The following TTC3 variants were observed in gnomAD, a reference collection of about 807,000 sequenced individuals.
TTC3 encodes tetratricopeptide repeat domain 3.
Under a neutral mutation model 249.6 loss-of-function variants are expected in TTC3, and 180 were observed. That is an observed-to-expected ratio of 0.72 (90% CI 0.64 to 0.82). TTC3 has a LOEUF of 0.82. Among genes scored for constraint, TTC3 ranks in the 40% least tolerant of loss-of-function variants. The probability of loss-of-function intolerance (pLI) is 0.00; values close to 1 mark genes in which losing one functional copy is unlikely to be tolerated. For missense variants in TTC3, 2,061 were observed against 2,398.4 expected (o/e 0.86, Z 2.94); for synonymous variants, 717 against 805.0 (o/e 0.89, Z 1.85).
chr21:37,109,812 A>G (rs1488125591), intron 11 of TTC3, among the ~76,000 whole-genome samples: 3 of 152,342 alleles, frequency 2.0e-5, no homozygotes, highest in Non-Finnish European at 2.9e-5. Context: ...GGCACCCCCC[A>G]GTAGGGGCGG....
At chr21:37,141,741 C>A (rs996470273) in intron 20 of TTC3, among the ~76,000 whole-genome samples, 1 of 152,116 alleles carries the variant, frequency 6.6e-6, no homozygotes, top group African/African-American at 2.4e-5. Context: ...TGTACTCCAG[C>A]CTGGGCGACA....
intron 32 of TTC3, 23 bp from the exon 33 acceptor site, chr21:37,165,526 AT>A: frequency 6.4e-7 from 1 of 1,550,508 alleles, no homozygotes; most frequent in Admixed American, 2.0e-5. Context: ...ATAGTAACTC[AT>A]GTAAATGTAA....
intron 11 of TTC3, among the ~76,000 whole-genome samples, chr21:37,116,771 C>A (rs1186348362): frequency 6.6e-6 from 1 of 152,056 alleles, no homozygotes; most frequent in African/African-American, 2.4e-5. Flanking sequence ...CACACCACTG[C>A]ATTCCAGCCT....
chr21:37,102,807 G>A (rs1156582854), intron 10 of TTC3, among the ~76,000 whole-genome samples: 1 of 152,176 alleles, frequency 6.6e-6, no homozygotes, highest in South Asian at 2.1e-4. Context: ...GACCATCCTG[G>A]TCAACATGGT....
chr21:37,115,955 T>C (rs2076107458), intron 11 of TTC3, among the ~76,000 whole-genome samples: 1 of 152,252 alleles, frequency 6.6e-6, no homozygotes. Flanking sequence ...ATTTCTTATC[T>C]TCTTTCCTTG....
chr21:37,175,124 TATG>T (rs1254815628), intron 35 of TTC3, among the ~76,000 whole-genome samples: 2 of 143,496 alleles, frequency 1.4e-5, no homozygotes, highest in Non-Finnish European at 3.0e-5. Flanking sequence ...ATTAGCCAGG[TATG>T]GTGGTGGGTG....
chr21:37,116,866 A>G (rs1448889364), intron 11 of TTC3, among the ~76,000 whole-genome samples: 1 of 152,128 alleles, frequency 6.6e-6, no homozygotes, highest in African/African-American at 2.4e-5. Context: ...AATAAGATAT[A>G]GAAAGGCACA....
chr21:37,135,047 G>A (rs2147934562), intron 17 of TTC3, among the ~76,000 whole-genome samples: 1 of 152,256 alleles, frequency 6.6e-6, no homozygotes, highest in Middle Eastern at 3.4e-3. Flanking sequence ...TTTAAATGAT[G>A]GCTGTTGTTT....
intron 44 of TTC3, among the ~76,000 whole-genome samples, chr21:37,199,809 G>T (rs969052308): frequency 1.3e-5 from 2 of 152,128 alleles, no homozygotes; most frequent in African/African-American, 4.8e-5. Context: ...CTATGTCAGG[G>T]ATTATGGGCT....
At chr21:37,181,203 A>T (rs2082729707) in intron 35 of TTC3, among the ~76,000 whole-genome samples, 1 of 152,242 alleles carries the variant, frequency 6.6e-6, no homozygotes, top group Non-Finnish European at 1.5e-5. Flanking sequence ...CTATATGTGT[A>T]TGTATGTGCA....
chr21:37,121,815 A>G lies in TTC3; in HGVS notation c.901-2A>G. ...AAAATTAAATTTATCTTTTTGGAAC[A>G]GGGTCATTATCGTTATTGTGATGCT... On this transcript the variant is annotated splice_acceptor_variant, in intron 11 of 45. Transcript: ENST00000355666. LOFTEE classifies it high-confidence loss of function. The G allele has an allele frequency of 1.3e-6, 2 of 1,559,606 alleles. No homozygotes were observed. Among genetic ancestry groups the G allele is most frequent in the Non-Finnish European group, 1.7e-6 (2 of 1,158,348 alleles).
intron 11 of TTC3, among the ~76,000 whole-genome samples, chr21:37,116,534 C>T (rs780625872): frequency 3.9e-5 from 6 of 151,972 alleles, no homozygotes; most frequent in Non-Finnish European, 8.8e-5. Context: ...AGATGCCAGG[C>T]ATGATGGCTC....
At position 37,087,358 on chromosome 21, in the gene TTC3, G is replaced by A. The variant is rs908752273; in HGVS notation, c.101G>A (p.Ser34Asn). ...TGTGTCTTTGCTGCTGAATTTATGAGCAATGATTATGTTCGTGTGACTCAG... is the reference window on the plus strand; with the variant it reads ...TGTGTCTTTGCTGCTGAATTTATGAACAATGATTATGTTCGTGTGACTCAG... Residue 34 changes from serine to asparagine, a missense_variant, in exon 2 of 46, where the codon AGC becomes AAC. Physicochemically the swap from Ser to Asn is conservative, Grantham distance 46. Coordinates refer to ENST00000355666, the Ensembl canonical transcript of TTC3. 6.8e-6 allele frequency: 11 copies of A among 1,613,876 alleles called. No individual in the cohort carries two copies. In the Admixed American group the frequency reaches 1.2e-4, roughly 17 times the overall value.
At chr21:37,098,227 T>C (rs539281751) in intron 10 of TTC3, 31 of 278,586 alleles carry the variant, frequency 1.1e-4, no homozygotes, top group Admixed American at 1.6e-4. Flanking sequence ...ATTTGTATGC[T>C]TTCAAGATCA....
chr21:37,196,457 G>A (rs540876994), intron 42 of TTC3, among the ~76,000 whole-genome samples: 1 of 152,150 alleles, frequency 6.6e-6, no homozygotes, highest in South Asian at 2.1e-4. Flanking sequence ...GGCTGGTCTC[G>A]AACTTCTGAC....
chr21:37,079,539 T>G (rs1363190913), intron 1 of TTC3, among the ~76,000 whole-genome samples: 1 of 143,948 alleles, frequency 6.9e-6, no homozygotes, highest in Admixed American at 6.9e-5. Context: ...TTTTTTTTTT[T>G]TTTTTTTTTT....
chr21:37,168,902 A>T (rs968477535), intron 34 of TTC3, among the ~76,000 whole-genome samples: 2 of 152,154 alleles, frequency 1.3e-5, no homozygotes, highest in African/African-American at 4.8e-5. Flanking sequence ...CAGAGGTTCT[A>T]CTTCCAAGAT....
chr21:37,174,699 C>T (rs2082084322), intron 35 of TTC3, among the ~76,000 whole-genome samples: 1 of 152,096 alleles, frequency 6.6e-6, no homozygotes, highest in Non-Finnish European at 1.5e-5. Flanking sequence ...CATTAGAGTC[C>T]CACTGCCCAT....
chr21:37,171,354 T>C (rs899778151), intron 34 of TTC3, among the ~76,000 whole-genome samples: 2 of 152,240 alleles, frequency 1.3e-5, no homozygotes, highest in Non-Finnish European at 2.9e-5. Context: ...CAGTGAGAAT[T>C]GCATTTGAAT....
Sources: gnomAD v4.1 joint callset for allele counts (sites outside exome capture counted in the v4.1 genomes callset) on GRCh38, gnomAD v4.1.1 for gene constraint, MANE v1.5 for transcripts, NCBI Gene and HGNC (gene_info 2026-07-23, HGNC 2026-07-21) for gene names.